The following KMT2C variants were observed in gnomAD, a reference collection of about 807,000 sequenced individuals.
The protein encoded by KMT2C is lysine methyltransferase 2C.
In KMT2C, 88 loss-of-function variants were observed where a neutral mutation model predicts 507.9. The observed-to-expected ratio is 0.17, with a 90% CI of 0.15 to 0.21. The LOEUF (loss-of-function observed/expected upper bound fraction) is 0.21, where lower values mean the gene tolerates loss of function less well. KMT2C is among the 10% of genes least tolerant of loss of function. The pLI, the probability that KMT2C is intolerant of heterozygous loss-of-function variation, is 1.00. For synonymous variants in KMT2C, 2,049 were observed against 2,080.8 expected, an observed-to-expected ratio of 0.98 and a Z score of 0.42; for missense variants, 4,954 against 5,957.8, an observed-to-expected ratio of 0.83 and a Z score of 5.55.
chr7:152,351,013 G>A (rs1049331762), intron 2 of KMT2C, among the ~76,000 whole-genome samples: 4 of 152,034 alleles, frequency 2.6e-5, no homozygotes, highest in African/African-American at 9.7e-5. Flanking sequence ...AGTCGGGATC[G>A]TCACTATCAC....
In KMT2C at chr7:152,309,507, CTTTTTTT is replaced by C. The variant is rs60166582; in HGVS notation, c.849+452_849+458del. 5.2e-3 allele frequency among the ~76,000 whole-genome samples: 457 copies of C among 87,968 alleles called. 1 individual carries two copies. The highest frequency in any genetic ancestry group is 6.8e-3 in the Non-Finnish European group (319 of 47,214). The allele number at this position is 87,968 out of a possible 152,430, so 57.7% of individuals were successfully genotyped here. ...CCCGGCTAATTTTTGCATAAAATAA[CTTTTTTT>C]TTTTTTTTTTTTTTTTTTTTAATTA... On this transcript the variant is annotated intron_variant, in intron 6 of 58. Transcript: ENST00000262189.
rs575766803 is a variant in KMT2C, at chr7:152,356,297, G to A, written c.250+2290C>T. Among the ~76,000 whole-genome samples the A allele has an allele frequency of 2.3e-4, 35 of 152,244 alleles. No individual in the cohort carries two copies. In the South Asian group the frequency reaches 6.7e-3, roughly 29 times the overall value. On this transcript the variant is annotated intron_variant, in intron 2 of 58. Coordinates refer to ENST00000262189, the MANE Select transcript of KMT2C (RefSeq NM_170606.3). ...AATCATCTTCAATAATCAAAGGGCC[G>A]GGCATAGTGGCTCACGCCTGTAATC...
intron 39 of KMT2C, 66 bp downstream of exon 39, chr7:152,174,065 T>A: frequency 1.2e-6 from 1 of 856,756 alleles, no homozygotes; most frequent in Non-Finnish European, 1.9e-6. Context: ...ATGTTTTTTC[T>A]AAAAACTAGT....
chr7:152,347,810 T>C (rs2097074312), intron 2 of KMT2C, among the ~76,000 whole-genome samples: 1 of 152,226 alleles, frequency 6.6e-6, no homozygotes, highest in Admixed American at 6.5e-5. Context: ...TTCTTAATTT[T>C]TTAAATATTT....
chr7:152,193,168 C>T (rs183661472), intron 31 of KMT2C, among the ~76,000 whole-genome samples: 67 of 152,120 alleles, frequency 4.4e-4, no homozygotes, highest in Non-Finnish European at 5.7e-4. Flanking sequence ...AGAGCGAGAC[C>T]GTTTCAAAAC....
chr7:152,307,038 G>T (rs1162034814), intron 6 of KMT2C, among the ~76,000 whole-genome samples: 1 of 152,002 alleles, frequency 6.6e-6, no homozygotes, highest in East Asian at 1.9e-4. Flanking sequence ...GCATGCCTGT[G>T]GTCCCGGATA....
In KMT2C at chr7:152,238,741, T is replaced by C. The variant is rs781062747; in HGVS notation, c.2618A>G (p.Gln873Arg). The stretch of plus-strand genomic sequence containing the variant: ...GCTCCAAATGGCACTGCCAGGAAGC[T>C]GCCTGGGTTTAAAAATTTCCCGACC... The part of the protein sequence containing the change: ...SEGREIFKPR[Q>R]LPGSAIWSIK... The change falls in exon 15 of 59, where the codon CAG becomes CGG. Residue 873 changes from glutamine (Q) to arginine (R), a missense_variant. Gln to Arg is a conservative substitution (Grantham distance 43). Around this residue, in one of 29 missense-constraint regions of KMT2C, gnomAD observed 62 missense variants for 137.2 expected, o/e 0.45. Transcript: ENST00000262189. The C allele has an allele frequency of 6.2e-7, 1 of 1,610,722 alleles. No individual in the cohort carries two copies. Among genetic ancestry groups the C allele is most frequent in the South Asian group, 1.1e-5 (1 of 90,734 alleles).
chr7:152,170,159 G>A (rs2092899329), intron 40 of KMT2C, among the ~76,000 whole-genome samples: 1 of 152,160 alleles, frequency 6.6e-6, no homozygotes, highest in Non-Finnish European at 1.5e-5. Context: ...GCCCAAAGTT[G>A]CACAGTAAAT....
At chr7:152,290,290 A>T (rs1365803945) in intron 6 of KMT2C, among the ~76,000 whole-genome samples, 6 of 32,030 alleles carry the variant, frequency 1.9e-4, no homozygotes, top group East Asian at 9.9e-4. Flanking sequence ...ATATATATAT[A>T]TATATTTTTT....
At chr7:152,255,109 T>TATATATATACATATATATA (rs1588626891) in intron 9 of KMT2C, among the ~76,000 whole-genome samples, 1 of 78,344 alleles carries the variant, frequency 1.3e-5, no homozygotes, top group African/African-American at 4.3e-5. Flanking sequence ...CAACTCTCAC[T>TATATATATACATATATATA]TATATATATA....
intron 9 of KMT2C, among the ~76,000 whole-genome samples, chr7:152,254,540 T>C (rs913238310): frequency 2.0e-5 from 3 of 152,176 alleles, no homozygotes; most frequent in Non-Finnish European, 4.4e-5. Context: ...AACCCATTAC[T>C]AATAACTCTT....
intron 7 of KMT2C, among the ~76,000 whole-genome samples, chr7:152,272,761 G>C (rs1296288720): frequency 1.3e-5 from 2 of 152,104 alleles, no homozygotes; most frequent in African/African-American, 4.8e-5. Context: ...TGAAATTATG[G>C]TACTCAACAA....
chr7:152,250,302 T>A (rs1325841080), intron 12 of KMT2C, among the ~76,000 whole-genome samples: 1 of 152,180 alleles, frequency 6.6e-6, no homozygotes, highest in African/African-American at 2.4e-5. Context: ...TACTATATAA[T>A]TGAACATACA....
chr7:152,329,191 T>C (rs1220748526), intron 3 of KMT2C, among the ~76,000 whole-genome samples: 1 of 151,986 alleles, frequency 6.6e-6, no homozygotes, highest in South Asian at 2.1e-4. Flanking sequence ...ATTATAAACA[T>C]GTAGAGTCTC....
chr7:152,307,248 A>AGGAAGGACGGAC (rs1253285455), intron 6 of KMT2C, among the ~76,000 whole-genome samples: 19 of 116,982 alleles, frequency 1.6e-4, no homozygotes, highest in African/African-American at 7.7e-4. Flanking sequence ...GAAGGAAGGA[A>AGGAAGGACGGAC]GGACGGTAGG....
In KMT2C at chr7:152,171,301, C is replaced by G. The variant is rs2129108561; in HGVS notation, c.9416G>C (p.Ser3139Thr). The change falls in exon 40 of 59, where the codon AGT becomes ACT. Residue 3139 changes from serine to threonine, a missense_variant. Ser to Thr is a moderately conservative substitution (Grantham distance 58). Transcript: ENST00000262189. ...CTGTGGTCCAAGGTTCTGTCCTTCA[C>G]TGTTCTGTGTTCCAGTTACCACCTG... ...MGQVVTGTQNSEGQNLGPQAI... is the reference protein window; with the variant it reads ...MGQVVTGTQNTEGQNLGPQAI... The G allele has an allele frequency of 6.2e-7, 1 of 1,610,384 alleles. No individual in the cohort carries two copies. Among genetic ancestry groups the G allele is most frequent in the Non-Finnish European group, 8.5e-7 (1 of 1,178,254 alleles).
At chr7:152,315,499 C>T (rs2096714196) in intron 3 of KMT2C, among the ~76,000 whole-genome samples, 161 bp from the exon 4 acceptor site, 3 of 152,282 alleles carry the variant, frequency 2.0e-5, no homozygotes, top group South Asian at 4.1e-4. Flanking sequence ...CCCATAAGAA[C>T]AATTAAGTTT....
intron 1 of KMT2C, among the ~76,000 whole-genome samples, chr7:152,380,264 AAAAAC>A (rs2097361889): frequency 9.5e-6 from 1 of 104,732 alleles, no homozygotes; most frequent in Admixed American, 1.1e-4. Context: ...AAACAAAACA[AAAAAC>A]AAAACAAAAA....
At chr7:152,252,762 G>C (rs2095581250) in intron 9 of KMT2C, 47 bp from the exon 10 acceptor site, 1 of 1,363,226 alleles carries the variant, frequency 7.3e-7, no homozygotes, top group Non-Finnish European at 1.0e-6. Context: ...TTATGCATTT[G>C]TAATTGTAGT....
Sources: gnomAD v4.1 joint callset for allele counts (sites outside exome capture counted in the v4.1 genomes callset) on GRCh38, gnomAD v4.1.1 for gene constraint, gnomAD v4.1.1 regional missense constraint, MANE v1.5 for transcripts, NCBI Gene and HGNC (gene_info 2026-07-23, HGNC 2026-07-21) for gene names.